Variants in GALNT10 observed in about 807,000 individuals in gnomAD.
The protein encoded by GALNT10 is polypeptide N-acetylgalactosaminyltransferase 10, also known as GalNAc transferase 10.
GALNT10 carries 41 observed loss-of-function variants against 75.0 expected under a neutral mutation model. That is an observed-to-expected ratio of 0.55 (90% CI 0.43 to 0.71). The LOEUF (loss-of-function observed/expected upper bound fraction) is 0.71. Among genes scored for constraint, GALNT10 ranks in the 30% least tolerant of loss-of-function variants. The pLI is 0.00. For missense variants in GALNT10, 727 were observed against 818.5 expected, an observed-to-expected ratio of 0.89 and a Z score of 1.36; for synonymous variants, 302 against 313.0, an observed-to-expected ratio of 0.96 and a Z score of 0.37.
chr5:154,400,042 G>A (rs763221399), intron 7 of GALNT10, among the ~76,000 whole-genome samples: 7 of 152,160 alleles, frequency 4.6e-5, no homozygotes, highest in Non-Finnish European at 1.0e-4. Context: ...GGAGGCTGAG[G>A]CAGGAGGGTC....
chr5:154,392,735 CAGAA>C (rs1755928754), intron 7 of GALNT10: 1 of 152,136 alleles, frequency 6.6e-6, no homozygotes, highest in African/African-American at 2.4e-5. Flanking sequence ...ATACGGGAGA[CAGAA>C]AGTATCCAAC....
intron 4 of GALNT10, among the ~76,000 whole-genome samples, chr5:154,335,601 G>T (rs1289751780): frequency 5.3e-5 from 8 of 152,170 alleles, no homozygotes; most frequent in Admixed American, 4.6e-4. Context: ...GAGGCAATTA[G>T]TATTAATATT....
chr5:154,378,185 G>A (rs1479741404), intron 5 of GALNT10, among the ~76,000 whole-genome samples: 2 of 152,184 alleles, frequency 1.3e-5, no homozygotes, highest in Non-Finnish European at 2.9e-5. Flanking sequence ...GCGCATCATG[G>A]CTTTTGTCTG....
At chr5:154,249,826 A>T (rs1329940177) in intron 1 of GALNT10, among the ~76,000 whole-genome samples, 1 of 152,194 alleles carries the variant, frequency 6.6e-6, no homozygotes, top group South Asian at 2.1e-4. Context: ...GGTGAGGAGA[A>T]GAAAAGCTTC....
At chr5:154,382,885 T>G (rs557146778) in intron 6 of GALNT10, among the ~76,000 whole-genome samples, 50 of 152,318 alleles carry the variant, frequency 3.3e-4, no homozygotes, top group African/African-American at 1.2e-3. Flanking sequence ...GCTAGTGTCT[T>G]CTGGGGCTTC....
At chr5:154,246,187 T>C (rs1753420871) in intron 1 of GALNT10, among the ~76,000 whole-genome samples, 1 of 152,204 alleles carries the variant, frequency 6.6e-6, no homozygotes, top group African/African-American at 2.4e-5. Context: ...ATGTGCCACA[T>C]TTTCTTAATC....
intron 1 of GALNT10, among the ~76,000 whole-genome samples, chr5:154,194,363 A>C (rs1188283512): frequency 6.6e-6 from 1 of 152,186 alleles, no homozygotes; most frequent in Non-Finnish European, 1.5e-5. Flanking sequence ...TAAGTATAGA[A>C]ATGTAGCCTT....
At chr5:154,250,669 T>G (rs1450365982) in intron 1 of GALNT10, among the ~76,000 whole-genome samples, 1 of 151,992 alleles carries the variant, frequency 6.6e-6, no homozygotes, top group Non-Finnish European at 1.5e-5. Context: ...GGGGTTAGAG[T>G]GAGAAATAAC....
chr5:154,386,451 C>G (rs1356617493), intron 7 of GALNT10, 21 bp downstream of exon 7: 2 of 1,466,636 alleles, frequency 1.4e-6, no homozygotes, highest in Admixed American at 3.3e-5. Context: ...TCTCCAGACG[C>G]CCCGTTCTTG....
At chr5:154,232,957 G>A (rs1158681379) in intron 1 of GALNT10, among the ~76,000 whole-genome samples, 1 of 152,094 alleles carries the variant, frequency 6.6e-6, no homozygotes, top group Non-Finnish European at 1.5e-5. Context: ...GAGTATATAT[G>A]GCCTGTAGAG....
At chr5:154,281,302 A>G (rs1157820772) in intron 1 of GALNT10, among the ~76,000 whole-genome samples, 1 of 152,158 alleles carries the variant, frequency 6.6e-6, no homozygotes, top group Non-Finnish European at 1.5e-5. Flanking sequence ...CGACTATTTG[A>G]TATTTTTGAC....
chr5:154,206,860 G>A (rs147083539), intron 1 of GALNT10, among the ~76,000 whole-genome samples: 1 of 152,328 alleles, frequency 6.6e-6, no homozygotes, highest in East Asian at 1.9e-4. Context: ...ACTTGATCAG[G>A]GCTAGGCCTC....
intron 4 of GALNT10, among the ~76,000 whole-genome samples, chr5:154,333,677 C>G (rs1367457594): frequency 6.6e-6 from 1 of 152,126 alleles, no homozygotes; most frequent in Non-Finnish European, 1.5e-5. Flanking sequence ...CAATGTGGTG[C>G]CATACCCAAT....
In GALNT10 at chr5:154,362,588, C is replaced by A. The variant is rs2113156886; in HGVS notation, c.569-13689C>A. ...GACTAAGTCCTTAGCTGGATTTTCA[C>A]CATTCTTAGAACCAATTGCAGAGAG... On this transcript the variant is annotated intron_variant, in intron 4 of 11. Coordinates refer to ENST00000297107, the MANE Select transcript of GALNT10 (RefSeq NM_198321.4). 3.3e-5 allele frequency among the ~76,000 whole-genome samples: 5 copies of A among 152,298 alleles called. No homozygotes were observed. In the South Asian group the frequency reaches 1.0e-3, roughly 32 times the overall value.
In GALNT10 at chr5:154,329,673, T is replaced by C; in HGVS notation, c.503T>C (p.Val168Ala). Residue 168 changes from valine to alanine, a missense_variant, in exon 4 of 12, where the codon GTG becomes GCG. By Grantham distance (64) the Val-to-Ala change is moderately conservative. Coordinates refer to ENST00000297107, the MANE Select transcript of GALNT10 (RefSeq NM_198321.4). ...WSSLLRTVHS[V>A]LNRSPPELVA... ...TCCCTCCTCCGCACCGTCCACAGTG[T>C]GCTCAATCGCTCGCCTCCAGAGCTG... 6.2e-7 allele frequency: 1 copy of C among 1,613,538 alleles called. No individual in the cohort carries two copies. The highest frequency in any genetic ancestry group is 8.5e-7 in the Non-Finnish European group (1 of 1,179,484).
In GALNT10 at chr5:154,318,349, C is replaced by A. The variant is rs182133574; in HGVS notation, c.402-11223C>A. 3.0e-3 allele frequency among the ~76,000 whole-genome samples: 453 copies of A among 152,326 alleles called. 1 individual carries two copies. Among genetic ancestry groups the A allele is most frequent in the Middle Eastern group, 0.014 (4 of 294 alleles). ...AAAGGCTAGAAGCCACGATTTCAAA[C>A]ACCTACTTAGTTTCCTCAATATTTG... On this transcript the variant is annotated intron_variant, in intron 3 of 11. Coordinates refer to ENST00000297107, the MANE Select transcript of GALNT10 (RefSeq NM_198321.4).
intron 1 of GALNT10, among the ~76,000 whole-genome samples, chr5:154,253,646 C>G (rs541302284): frequency 1.4e-5 from 2 of 147,006 alleles, no homozygotes; most frequent in Middle Eastern, 3.7e-3. Flanking sequence ...AATTAGTTGT[C>G]TTGAACTTTC....
chr5:154,233,762 C>T (rs755204265), intron 1 of GALNT10, among the ~76,000 whole-genome samples: 9 of 152,178 alleles, frequency 5.9e-5, no homozygotes, highest in Middle Eastern at 3.2e-3. Context: ...TAGACAGGGC[C>T]GCCTTCATAG....
intron 1 of GALNT10, among the ~76,000 whole-genome samples, chr5:154,266,674 A>G (rs1753779025): frequency 6.6e-6 from 1 of 151,964 alleles, no homozygotes; most frequent in South Asian, 2.1e-4. Context: ...CAGGAGTTCA[A>G]GATAAGCCTG....
Sources: gnomAD v4.1 joint callset for allele counts (sites outside exome capture counted in the v4.1 genomes callset) on GRCh38, gnomAD v4.1.1 for gene constraint, MANE v1.5 for transcripts, NCBI Gene and HGNC (gene_info 2026-07-23, HGNC 2026-07-21) for gene names.